The following SLC17A5 variants were observed in gnomAD, a reference collection of about 807,000 sequenced individuals.
The protein encoded by SLC17A5 is sialin.
SLC17A5 carries 47 observed loss-of-function variants against 59.4 expected under a neutral mutation model. The ratio of observed to expected loss-of-function variants is 0.79; its 90% CI spans 0.63 to 1.01. The LOEUF (loss-of-function observed/expected upper bound fraction) is 1.01, where lower values mean the gene tolerates loss of function less well. Ranked by LOEUF, SLC17A5 falls within the 50% of genes least tolerant of loss-of-function variation. SLC17A5 has a pLI of 0.00. For synonymous variants in SLC17A5, 202 were observed against 210.7 expected (o/e 0.96, Z 0.36); for missense variants, 522 against 595.5 (o/e 0.88, Z 1.28).
intron 3 of SLC17A5, among the ~76,000 whole-genome samples, chr6:73,639,807 A>G (rs1769193095): frequency 6.6e-6 from 1 of 152,214 alleles, no homozygotes; most frequent in Admixed American, 6.5e-5. Flanking sequence ...GCACTTTGGG[A>G]GGCGGAGGCA....
chr6:73,640,382 G>T (rs12190442), intron 3 of SLC17A5, among the ~76,000 whole-genome samples: 8,491 of 152,288 alleles, frequency 0.056, 423 homozygotes, highest in Admixed American at 0.16. Flanking sequence ...AATTTCCAAA[G>T]TATTCTAGCA....
At chr6:73,643,590 C>T (rs1769398426) in intron 2 of SLC17A5, among the ~76,000 whole-genome samples, 1 of 152,200 alleles carries the variant, frequency 6.6e-6, no homozygotes, top group African/African-American at 2.4e-5. Context: ...AATTCTCCTG[C>T]CTCAGCCTCC....
At chr6:73,618,848 C>T (rs1211977712) in intron 7 of SLC17A5, among the ~76,000 whole-genome samples, 1 of 152,036 alleles carries the variant, frequency 6.6e-6, no homozygotes, top group Non-Finnish European at 1.5e-5. Flanking sequence ...CCTCAGTCTC[C>T]CGAGGTGCTG....
At chr6:73,650,783 A>T (rs1055900045) in intron 1 of SLC17A5, among the ~76,000 whole-genome samples, 2 of 152,026 alleles carry the variant, frequency 1.3e-5, no homozygotes, top group African/African-American at 4.8e-5. Flanking sequence ...GAAAATATAC[A>T]CTAGAATATA....
intron 3 of SLC17A5, among the ~76,000 whole-genome samples, chr6:73,640,523 C>T (rs1014481750): frequency 6.6e-6 from 1 of 152,162 alleles, no homozygotes; most frequent in Admixed American, 6.6e-5. Context: ...CTGTTAGATA[C>T]AATAGAGCTA....
In SLC17A5 at chr6:73,632,434, C is replaced by CTTTTTT. The variant is rs1163170650; in HGVS notation, c.819+2942_819+2947dup. 4.5e-3 allele frequency among the ~76,000 whole-genome samples: 389 copies of CTTTTTT among 86,790 alleles called. 48 individuals carry two copies. The highest frequency in any genetic ancestry group is 6.8e-3 in the Non-Finnish European group (297 of 43,770). 56.9% of individuals were successfully genotyped at this position (86,790 alleles called of 152,430 possible). A position where few individuals can be genotyped will look rare whatever the true frequency, so the allele number is the denominator to read the frequency against. On this transcript the variant is annotated intron_variant, in intron 6 of 10. Coordinates refer to ENST00000355773, the MANE Select transcript of SLC17A5 (RefSeq NM_012434.5). ...AAGACACATATCGATGTAGAGAAAGCTTTTTTTTTTTTTTTTTTTTTTTTT... is the reference window on the plus strand; with the variant it reads ...AAGACACATATCGATGTAGAGAAAGCTTTTTTTTTTTTTTTTTTTTTTTTTTTTTTT...
At chr6:73,615,989 G>T (rs948527973) in intron 7 of SLC17A5, among the ~76,000 whole-genome samples, 1 of 147,122 alleles carries the variant, frequency 6.8e-6, no homozygotes, top group Non-Finnish European at 1.5e-5. Flanking sequence ...GGGTTCAAGT[G>T]ATTCTCCTGC....
chr6:73,606,023 G>C (rs1015424168), intron 9 of SLC17A5, among the ~76,000 whole-genome samples: 1 of 150,332 alleles, frequency 6.7e-6, no homozygotes, highest in Non-Finnish European at 1.5e-5. Context: ...TTTTGAATTT[G>C]ATGAGATTTA....
intron 8 of SLC17A5, 32 bp from the exon 9 acceptor site, chr6:73,610,579 C>T: frequency 6.2e-7 from 1 of 1,612,062 alleles, no homozygotes; most frequent in East Asian, 2.2e-5. Context: ...AGGGAAAAAA[C>T]ACCCAGCATT....
intron 6 of SLC17A5, among the ~76,000 whole-genome samples, chr6:73,632,675 C>G (rs1395971473): frequency 6.6e-6 from 1 of 151,214 alleles, no homozygotes; most frequent in Non-Finnish European, 1.5e-5. Context: ...TTCCTGGGCC[C>G]AAGCAATCCT....
At chr6:73,629,321 G>A (rs1353164115) in intron 6 of SLC17A5, among the ~76,000 whole-genome samples, 1 of 152,180 alleles carries the variant, frequency 6.6e-6, no homozygotes. Flanking sequence ...CCGGGAGGCA[G>A]AGGGAGGCTG....
intron 4 of SLC17A5, among the ~76,000 whole-genome samples, chr6:73,637,241 A>G (rs767269724): frequency 1.3e-5 from 2 of 152,230 alleles, no homozygotes; most frequent in Non-Finnish European, 2.9e-5. Flanking sequence ...TAAAGCTGGA[A>G]AAATAGGTTG....
intron 8 of SLC17A5, among the ~76,000 whole-genome samples, chr6:73,612,848 T>G (rs1191277210): frequency 1.3e-5 from 2 of 152,102 alleles, no homozygotes; most frequent in Non-Finnish European, 2.9e-5. Flanking sequence ...GCCCAGGAAT[T>G]TGTGACTAAC....
At chr6:73,643,396 G>A (rs888895082) in intron 2 of SLC17A5, among the ~76,000 whole-genome samples, 14 of 152,110 alleles carry the variant, frequency 9.2e-5, no homozygotes, top group African/African-American at 2.4e-4. Flanking sequence ...TCCTGACCTC[G>A]TGATCCATGT....
Position 73,644,517 on chromosome 6 carries a change from T to A in SLC17A5, c.181A>T (p.Ser61Cys). 8.1e-6 allele frequency: 13 copies of A among 1,613,900 alleles called. No homozygotes were observed. The highest frequency in any genetic ancestry group is 1.1e-5 in the Non-Finnish European group (13 of 1,179,872). ...FIVYALRVNL[S>C]VALVDMVDSN... ...TCTACCATATCCACTAACGCAACACTCAGATTCACACGTAATGCATACACA... is the reference window on the plus strand; with the variant it reads ...TCTACCATATCCACTAACGCAACACACAGATTCACACGTAATGCATACACA... The change falls in exon 2 of 11, where the codon AGT becomes TGT. Residue 61 changes from serine to cysteine, a missense_variant. This residue lies in a region of SLC17A5 where 338 missense variants were observed against 363.8 expected (regional missense o/e 0.93). Transcript: ENST00000355773.
intron 7 of SLC17A5, among the ~76,000 whole-genome samples, chr6:73,619,430 G>A (rs1055894178): frequency 2.0e-5 from 3 of 152,140 alleles, no homozygotes; most frequent in Non-Finnish European, 4.4e-5. Context: ...GTTCATGCCT[G>A]TAATCCCAAC....
intron 6 of SLC17A5, among the ~76,000 whole-genome samples, chr6:73,624,633 T>C (rs1341832849): frequency 6.6e-6 from 1 of 152,134 alleles, no homozygotes; most frequent in African/African-American, 2.4e-5. Context: ...CCCAGCACTT[T>C]GGGAGGCCGA....
chr6:73,652,636 T>C, intron 1 of SLC17A5, among the ~76,000 whole-genome samples: 1 of 152,220 alleles, frequency 6.6e-6, no homozygotes, highest in African/African-American at 2.4e-5. Context: ...ATTTGAACAC[T>C]ACAAGCCACA....
chr6:73,639,692 A>G (rs1050854732), intron 3 of SLC17A5, among the ~76,000 whole-genome samples: 3 of 152,238 alleles, frequency 2.0e-5, no homozygotes, highest in Admixed American at 1.3e-4. Flanking sequence ...TGCACCTGTG[A>G]TACATATTGA....
Sources: gnomAD v4.1 joint callset for allele counts (sites outside exome capture counted in the v4.1 genomes callset) on GRCh38, gnomAD v4.1.1 for gene constraint, gnomAD v4.1.1 regional missense constraint, MANE v1.5 for transcripts, NCBI Gene and HGNC (gene_info 2026-07-23, HGNC 2026-07-21) for gene names.